SLC25A21: variants seen among roughly 807,000 people sequenced by gnomAD.
The protein encoded by SLC25A21 is solute carrier family 25 member 21, also known as mitochondrial 2-oxodicarboxylate carrier.
Under a neutral mutation model 43.8 loss-of-function variants are expected in SLC25A21, and 47 were observed. The ratio of observed to expected loss-of-function variants is 1.07; its 90% CI spans 0.85 to 1.37. The LOEUF is 1.37. SLC25A21 is among the 40% of genes most tolerant of loss of function. The pLI is 0.00. For synonymous variants in SLC25A21, 131 were observed against 121.3 expected (o/e 1.08, Z -0.52); for missense variants, 352 against 350.2 (o/e 1.00, Z -0.04).
At chr14:36,897,034 G>A (rs1052187698) in intron 1 of SLC25A21, among the ~76,000 whole-genome samples, 70 of 152,186 alleles carry the variant, frequency 4.6e-4, no homozygotes, top group Admixed American at 7.9e-4. Context: ...TGCTCTTCTC[G>A]AGGATTATTT....
intron 1 of SLC25A21, among the ~76,000 whole-genome samples, chr14:36,906,512 CT>C (rs111778445): frequency 4.4e-3 from 627 of 142,628 alleles, no homozygotes; most frequent in Non-Finnish European, 4.1e-3. Flanking sequence ...TCTTTCCTTC[CT>C]TTTTTTTTTT....
chr14:37,025,515 TC>T, intron 1 of SLC25A21, among the ~76,000 whole-genome samples: 1 of 152,300 alleles, frequency 6.6e-6, no homozygotes, highest in South Asian at 2.1e-4. Flanking sequence ...TAATTTGTGT[TC>T]GGATTCAGTT....
chr14:36,802,690 G>A (rs1887908318), intron 3 of SLC25A21, among the ~76,000 whole-genome samples: 3 of 152,260 alleles, frequency 2.0e-5, no homozygotes, highest in Non-Finnish European at 2.9e-5. Flanking sequence ...GATGATGAGG[G>A]AAGGCATCAA....
intron 1 of SLC25A21, among the ~76,000 whole-genome samples, chr14:36,976,213 C>G (rs1434474560): frequency 6.6e-6 from 1 of 152,118 alleles, no homozygotes; most frequent in Non-Finnish European, 1.5e-5. Context: ...GAGAAGGAAC[C>G]TGCAGTGTAC....
Position 37,015,650 on chromosome 14 carries a change from T to C in SLC25A21, c.71-140646A>G, listed in dbSNP as rs937822301. On this transcript the variant is annotated intron_variant, in intron 1 of 9. Transcript: ENST00000331299. ...CCACAATGGTTGAACTAGTTTACAG[T>C]TCCACCAACAGTGTAAAAGTGTTCC... Among the ~76,000 whole-genome samples the C allele has an allele frequency of 1.3e-3, 201 of 151,682 alleles. 1 individual carries two copies. The highest frequency in any genetic ancestry group is 4.6e-3 in the African/African-American group (188 of 41,252).
At position 37,172,532 on chromosome 14, in the gene SLC25A21, C is replaced by T. The variant is rs538753296; in HGVS notation, c.-182G>A. The T allele has an allele frequency of 1.3e-6, 1 of 741,428 alleles. No homozygotes were observed. Among genetic ancestry groups the T allele is most frequent in the Non-Finnish European group, 2.4e-6 (1 of 415,722 alleles). The allele number at this position is 741,428 out of a possible 1,614,324, so 45.9% of individuals were successfully genotyped here. On this transcript the variant is annotated 5_prime_UTR_variant, in exon 1 of 10. Coordinates refer to ENST00000331299, the MANE Select transcript of SLC25A21 (RefSeq NM_030631.4). Reference sequence around the variant, plus strand: ...TCGAGGCGCAGATTCGTCGCGCGATCTCCGGCGCGTCGGAACCTGTTCGCA... The same window carrying T: ...TCGAGGCGCAGATTCGTCGCGCGATTTCCGGCGCGTCGGAACCTGTTCGCA...
In SLC25A21 at chr14:36,876,944, C is replaced by A. The variant is rs189703707; in HGVS notation, c.71-1940G>T. 6.2e-4 allele frequency among the ~76,000 whole-genome samples: 74 copies of A among 119,758 alleles called. 2 individuals are homozygous for A. In the East Asian group the frequency reaches 0.015, roughly 25 times the overall value. 78.6% of individuals were successfully genotyped at this position (119,758 alleles called of 152,430 possible). ...AGATAGATAGATAGATAGATACACA[C>A]ACACACATACATATACATATATTAT... On this transcript the variant is annotated intron_variant, in intron 1 of 9. Coordinates refer to ENST00000331299, the MANE Select transcript of SLC25A21 (RefSeq NM_030631.4).
At chr14:36,773,816 A>G (rs1316046009) in intron 3 of SLC25A21, among the ~76,000 whole-genome samples, 3 of 152,202 alleles carry the variant, frequency 2.0e-5, no homozygotes, top group African/African-American at 7.2e-5. Flanking sequence ...TCCAAAGCAC[A>G]TGCTCTTGCC....
intron 3 of SLC25A21, among the ~76,000 whole-genome samples, chr14:36,800,658 G>C (rs1887839027): frequency 6.6e-6 from 1 of 152,100 alleles, no homozygotes; most frequent in African/African-American, 2.4e-5. Context: ...AAGATGCAGT[G>C]TTGATGGTTG....
intron 6 of SLC25A21, among the ~76,000 whole-genome samples, chr14:36,717,471 G>A (rs1884191356): frequency 1.3e-5 from 2 of 152,156 alleles, no homozygotes; most frequent in South Asian, 4.1e-4. Flanking sequence ...CCCAGATACC[G>A]AACCACAAAG....
chr14:36,999,618 G>C (rs989269961), intron 1 of SLC25A21, among the ~76,000 whole-genome samples: 1 of 152,122 alleles, frequency 6.6e-6, no homozygotes, highest in Non-Finnish European at 1.5e-5. Flanking sequence ...TGGAAGTAGA[G>C]GGTATATGAG....
At chr14:36,946,540 T>C (rs777557235) in intron 1 of SLC25A21, among the ~76,000 whole-genome samples, 1 of 152,202 alleles carries the variant, frequency 6.6e-6, no homozygotes, top group African/African-American at 2.4e-5. Flanking sequence ...GGCATTAACA[T>C]GTGCCCTTAA....
intron 1 of SLC25A21, among the ~76,000 whole-genome samples, chr14:36,881,446 C>T (rs4900639): frequency 0.46 from 69,179 of 151,948 alleles, 17,838 homozygotes; most frequent in Non-Finnish European, 0.58. Flanking sequence ...TCAACAATAT[C>T]CTTTTTTCCT....
intron 1 of SLC25A21, among the ~76,000 whole-genome samples, chr14:36,906,788 C>T (rs1891548354): frequency 6.6e-6 from 1 of 152,118 alleles, no homozygotes; most frequent in Admixed American, 6.6e-5. Flanking sequence ...CAGGTGTGAG[C>T]CACCATGCCC....
chr14:36,679,721 A>G lies in SLC25A21; in HGVS notation c.*937T>C, dbSNP rs746505985. ...CTGAAAATGCAGTTCTGTTCTATAC[A>G]TTCTTCCTAAAAATGGCACAGGTAG... On this transcript the variant is annotated 3_prime_UTR_variant, in exon 10 of 10. Transcript: ENST00000331299. 5.7e-5 allele frequency: 56 copies of G among 985,330 alleles called. No individual in the cohort carries two copies. Among genetic ancestry groups the G allele is most frequent in the Non-Finnish European group, 6.3e-5 (52 of 829,924 alleles). The allele number at this position is 985,330 out of a possible 1,614,324, so 61.0% of individuals were successfully genotyped here.
chr14:36,936,533 C>A (rs369742009), intron 1 of SLC25A21, among the ~76,000 whole-genome samples: 1 of 152,090 alleles, frequency 6.6e-6, no homozygotes, highest in East Asian at 1.9e-4. Flanking sequence ...CAATGTAAAG[C>A]GAGAACTAAA....
intron 3 of SLC25A21, among the ~76,000 whole-genome samples, chr14:36,748,357 T>C (rs1001543718): frequency 3.3e-5 from 5 of 152,214 alleles, no homozygotes; most frequent in African/African-American, 1.2e-4. Flanking sequence ...ATCTCTTTTG[T>C]CATTCAGTCC....
chr14:36,817,803 A>T (rs1888505472), intron 2 of SLC25A21, among the ~76,000 whole-genome samples: 1 of 152,080 alleles, frequency 6.6e-6, no homozygotes, highest in Non-Finnish European at 1.5e-5. Context: ...TTTGCCTATG[A>T]TGTCTGCATG....
intron 1 of SLC25A21, among the ~76,000 whole-genome samples, chr14:36,914,382 C>G (rs184678494): frequency 6.2e-4 from 95 of 152,254 alleles, no homozygotes; most frequent in African/African-American, 2.2e-3. Flanking sequence ...AGTTGATTGC[C>G]AATGGAAGCT....
Sources: allele counts gnomAD v4.1 joint callset (sites outside exome capture counted in the v4.1 genomes callset), GRCh38; gene constraint gnomAD v4.1.1; transcripts MANE v1.5; gene names NCBI Gene and HGNC (gene_info 2026-07-23, HGNC 2026-07-21).